The following CIC variants were observed in gnomAD, a reference collection of about 807,000 sequenced individuals.
CIC encodes the protein protein capicua homolog.
In CIC, 18 loss-of-function variants were observed where a neutral mutation model predicts 115.7. The observed-to-expected ratio is 0.16, with a 90% confidence interval of 0.11 to 0.23. The LOEUF is 0.23. Ranked by LOEUF, CIC falls within the 10% of genes least tolerant of loss-of-function variation. The probability of loss-of-function intolerance (pLI) is 1.00; values close to 1 mark genes in which losing one functional copy is unlikely to be tolerated. For synonymous variants in CIC, 1,076 were observed against 923.0 expected (o/e 1.17, Z -3.01); for missense variants, 2,000 against 2,159.3 (o/e 0.93, Z 1.46).
At position 42,294,053 on chromosome 19, in the gene CIC, C is replaced by T. The variant is rs2147340869; in HGVS notation, c.6886C>T (p.Leu2296=). ...TCTGGCCACCTCACCCCGGGCCATC[C>T]TGGGCTCTTACCGCAAGAAGAGGAA... The part of the protein sequence containing the change: ...QSLATSPRAI[L]GSYRKKRKNS... Residue 2296 remains leucine, a synonymous_variant, in exon 18 of 21, where the codon CTG becomes TTG. Coordinates refer to ENST00000681038, the MANE Select transcript of CIC (RefSeq NM_001386298.1). 1 of 1,613,640 alleles carries T rather than the reference C, an allele frequency of 6.2e-7. No homozygotes were observed.
At position 42,271,949 on chromosome 19, in the gene CIC, C is replaced by A; in HGVS notation, c.166C>A (p.Pro56Thr). ...EAQQPQPQSG[P>T]EEAEEGEEEE... ...ACAGCAGCCGCAACCACAGTCCGGG[C>A]CCGAAGAGGCTGAGGAAGGGGAGGA... Residue 56 changes from proline to threonine, a missense_variant, in exon 2 of 21, where the codon CCC becomes ACC. Coordinates refer to ENST00000681038, the MANE Select transcript of CIC (RefSeq NM_001386298.1). 1 of 399,382 alleles carries A rather than the reference C, an allele frequency of 2.5e-6. No homozygotes were observed. The allele number at this position is 399,382 out of a possible 1,614,324, so 24.7% of individuals were successfully genotyped here. A position where few individuals can be genotyped will look rare whatever the true frequency, so the allele number is the denominator to read the frequency against.
intron 2 of CIC, chr19:42,284,883 G>A (rs2037514996): frequency 1.0e-6 from 1 of 970,052 alleles, no homozygotes; most frequent in East Asian, 2.7e-5. Context: ...GCAGAGTAAA[G>A]GGATGACGGG....
rs1340459202 is a variant in CIC at position 42,295,074 on chromosome 19, G to A, written c.7437G>A (p.Gln2479=). The change falls in exon 21 of 21, where the codon CAG becomes CAA. Residue 2479 remains glutamine, a synonymous_variant. Transcript: ENST00000681038. ...TSPSSDSGTA[Q]AAPPLPPPPE... is the part of the protein sequence containing the mutation. ...CCAGCTCGGACTCTGGCACGGCCCA[G>A]GCTGCCCCGCCACTGCCTCCACCCC... 6.6e-7 allele frequency: 1 copy of A among 1,520,590 alleles called. No homozygotes were observed. Among genetic ancestry groups the A allele is most frequent in the Admixed American group, 2.0e-5 (1 of 49,940 alleles). 94.2% of individuals were successfully genotyped at this position (1,520,590 alleles called of 1,614,324 possible). A position where few individuals can be genotyped will look rare whatever the true frequency, so the allele number is the denominator to read the frequency against.
rs587778197 is a variant in CIC at position 42,290,969 on chromosome 19, C to T, written c.4928C>T (p.Ser1643Leu). Residue 1643 changes from serine (S) to leucine (L), a missense_variant, in exon 11 of 21, where the codon TCG becomes TTG. Around this residue, in one of 8 missense-constraint regions of CIC, gnomAD observed 1,466 missense variants for 1,390.4 expected, o/e 1.05. Transcript: ENST00000681038. Reference protein sequence around the residue: ...GVSLVYSDKKSAAATSPAPHL... With the variant: ...GVSLVYSDKKLAAATSPAPHL... ...AGCTTAGTGTATTCGGACAAGAAGT[C>T]GGCAGCAGCCACCTCACCAGCCCCA... is the stretch of plus-strand genomic sequence containing the variant. 5.4e-5 allele frequency: 87 copies of T among 1,613,610 alleles called. No homozygotes were observed. In the East Asian group the frequency reaches 1.2e-3, roughly 21 times the overall value.
intron 7 of CIC, among the ~76,000 whole-genome samples, chr19:42,288,447 T>A (rs773207163): frequency 6.6e-5 from 10 of 152,180 alleles, no homozygotes; most frequent in Non-Finnish European, 1.3e-4. Context: ...TGAGGTTGTC[T>A]GGTGTGCCTG....
rs754160310 is a variant in CIC, at chr19:42,294,854, A to G, written c.7217A>G (p.Tyr2406Cys). The stretch of plus-strand genomic sequence containing the variant: ...GCCACAGCCGCCTTCCAGGCCCGCT[A>G]TGCAGACATCTTTCCCTCCAAGGTT... ...AQATAAFQAR[Y>C]ADIFPSKVCL... The change falls in exon 21 of 21, where the codon TAT becomes TGT. Residue 2406 changes from tyrosine (Y) to cysteine (C), a missense_variant. By Grantham distance (194) the Tyr-to-Cys change is radical (BLOSUM62 -2). This residue lies in a region of CIC where 17 missense variants were observed against 17.8 expected (regional missense o/e 0.95). Transcript: ENST00000681038. 1.9e-6 allele frequency: 3 copies of G among 1,601,074 alleles called. No homozygotes were observed. Among genetic ancestry groups the G allele is most frequent in the Admixed American group, 1.7e-5 (1 of 60,004 alleles).
intron 2 of CIC, among the ~76,000 whole-genome samples, chr19:42,276,766 C>A (rs755743928): frequency 2.6e-5 from 4 of 152,152 alleles, no homozygotes; most frequent in Non-Finnish European, 4.4e-5. Flanking sequence ...TTCACCCCCC[C>A]ATATGCCCAC....
At chr19:42,283,121 T>C (rs2037340432) in intron 2 of CIC, among the ~76,000 whole-genome samples, 1 of 152,108 alleles carries the variant, frequency 6.6e-6, no homozygotes, top group Non-Finnish European at 1.5e-5. Flanking sequence ...GGTATGATGG[T>C]GTCTGTGAGA....
chr19:42,282,407 G>A (rs1194523840), intron 2 of CIC, among the ~76,000 whole-genome samples: 1 of 152,200 alleles, frequency 6.6e-6, no homozygotes, highest in Admixed American at 6.5e-5. Context: ...CAACCTTTAC[G>A]TGCCCAAGTG....
At position 42,295,143 on chromosome 19, in the gene CIC, G is replaced by GGGGGCCCCCCCCCCCCCCCCC; in HGVS notation, c.7506_7507insGGGGCCCCCCCCCCCCCCCCC (p.Gln2502_Pro2503insGlyAlaProProProProPro). 3.6e-6 allele frequency: 5 copies of GGGGGCCCCCCCCCCCCCCCCC among 1,382,724 alleles called. No homozygotes were observed. The highest frequency in any genetic ancestry group is 4.8e-6 in the Non-Finnish European group (5 of 1,037,818). 85.7% of individuals were successfully genotyped at this position (1,382,724 alleles called of 1,614,324 possible). ...AGCCTGGCTGGGAGGGGGCTCCCCA[G>GGGGGCCCCCCCCCCCCCCCCC]CCCTCCCCCCCACCCCCAGGTCCCT... On this transcript the variant is annotated inframe_insertion, in exon 21 of 21. Coordinates refer to ENST00000681038, the MANE Select transcript of CIC (RefSeq NM_001386298.1).
rs761218687 is a variant in CIC at position 42,290,495 on chromosome 19, C to A, written c.4454C>A (p.Pro1485His). The stretch of plus-strand genomic sequence containing the variant: ...GCGGGCCCCCTACGGCCCCCACCCC[C>A]TGGGGCTGGGGGTCCAGCGACACCT... ...STAGPLRPPP[P>H]GAGGPATPSK... The change falls in exon 11 of 21, where the codon CCT (proline) becomes CAT (histidine). Residue 1485 changes from proline (P) to histidine (H), a missense_variant. Pro to His is a moderately conservative substitution (Grantham distance 77). This residue lies in a region of CIC where 1,466 missense variants were observed against 1,390.4 expected (regional missense o/e 1.05). Transcript: ENST00000681038. 1.9e-6 allele frequency: 3 copies of A among 1,613,676 alleles called. No individual in the cohort carries two copies. Among genetic ancestry groups the A allele is most frequent in the Non-Finnish European group, 2.5e-6 (3 of 1,179,908 alleles).
At position 42,287,315 on chromosome 19, in the gene CIC, C is replaced by T. The variant is rs371107104; in HGVS notation, c.3180-5C>T. ...GCCCTCACTGTCCCTGCTGCCCCGC[C>T]GCAGCTTCCTCTCCATCATGTCTCC... On this transcript the variant is annotated splice_polypyrimidine_tract_variant and splice_region_variant and intron_variant, in intron 4 of 20. Transcript: ENST00000681038. This position sits in a 1 kb window ranked among gnomAD's most constrained non-coding sequence, Gnocchi z 8.7. 6.2e-5 allele frequency: 100 copies of T among 1,613,994 alleles called. No individual in the cohort carries two copies. Among genetic ancestry groups the T allele is most frequent in the East Asian group, 8.9e-5 (4 of 44,884 alleles).
chr19:42,292,052 G>C (rs1359641176), intron 12 of CIC, 34 bp from the exon 13 acceptor site: 1 of 1,612,426 alleles, frequency 6.2e-7, no homozygotes, highest in African/African-American at 1.3e-5. Context: ...TGGGGCCACA[G>C]CTCACCCTGG....
At chr19:42,269,921 G>A (rs569622653) in intron 1 of CIC, among the ~76,000 whole-genome samples, 8 of 151,806 alleles carry the variant, frequency 5.3e-5, no homozygotes, top group South Asian at 2.1e-4. Flanking sequence ...CCTGGGCTCC[G>A]GGAGTTACTA....
chr19:42,294,841 T>C lies in CIC; in HGVS notation c.7204T>C (p.Phe2402Leu). The C allele has an allele frequency of 1.2e-6, 2 of 1,601,892 alleles. No individual in the cohort carries two copies. Among genetic ancestry groups the C allele is most frequent in the Non-Finnish European group, 1.7e-6 (2 of 1,179,950 alleles). Residue 2402 changes from phenylalanine (F) to leucine (L), a missense_variant, in exon 21 of 21, where the codon TTC (phenylalanine) becomes CTC (leucine). Physicochemically the swap from Phe to Leu is conservative, Grantham distance 22. Around this residue, in one of 8 missense-constraint regions of CIC, gnomAD observed 17 missense variants for 17.8 expected, o/e 0.95. Coordinates refer to ENST00000681038, the MANE Select transcript of CIC (RefSeq NM_001386298.1). ...ATCTCCAGCCCAGGCCACAGCCGCC[T>C]TCCAGGCCCGCTATGCAGACATCTT... Reference protein sequence around the residue: ...FFPSAQATAAFQARYADIFPS... With the variant: ...FFPSAQATAALQARYADIFPS...
At chr19:42,292,033 G>GC in intron 12 of CIC, 53 bp from the exon 13 acceptor site, 1 of 1,611,502 alleles carries the variant, frequency 6.2e-7, no homozygotes, top group Admixed American at 1.7e-5. Flanking sequence ...GTCTTCCCCT[G>GC]CCCCAGTCTG....
intron 2 of CIC, among the ~76,000 whole-genome samples, chr19:42,281,039 C>T (rs1599867947): frequency 6.6e-6 from 1 of 150,388 alleles, no homozygotes; most frequent in East Asian, 2.0e-4. Flanking sequence ...TGACTCACCC[C>T]GGCGCTATTT....
intron 2 of CIC, among the ~76,000 whole-genome samples, chr19:42,278,168 GC>G (rs1255170711): frequency 6.6e-6 from 1 of 152,228 alleles, no homozygotes; most frequent in Non-Finnish European, 1.5e-5. Context: ...GCATGGCATG[GC>G]CAGCCAGCTG....
In CIC at chr19:42,291,143, C is replaced by T. The variant is rs774176088; in HGVS notation, c.5102C>T (p.Ala1701Val). Reference sequence around the variant, plus strand: ...GGGGCCCCTGGTGGTGGGACCACTGCGGGCTCAGGAGCAGGTGCTGGGAGT... The same window carrying T: ...GGGGCCCCTGGTGGTGGGACCACTGTGGGCTCAGGAGCAGGTGCTGGGAGT... ...AQGAPGGGTT[A>V]GSGAGAGSGP... is the part of the protein sequence containing the mutation. Residue 1701 changes from alanine (A) to valine (V), a missense_variant, in exon 11 of 21, where the codon GCG (alanine) becomes GTG (valine). Ala to Val is a moderately conservative substitution (Grantham distance 64, BLOSUM62 0). Coordinates refer to ENST00000681038, the MANE Select transcript of CIC (RefSeq NM_001386298.1). 140 of 1,607,412 alleles carry T rather than the reference C, an allele frequency of 8.7e-5. No homozygotes were observed. The highest frequency in any genetic ancestry group is 1.7e-4 in the Middle Eastern group (1 of 6,012).
Sources: gnomAD v4.1 joint callset for allele counts (sites outside exome capture counted in the v4.1 genomes callset) on GRCh38, gnomAD v4.1.1 for gene constraint, gnomAD v4.1.1 regional missense constraint, Gnocchi (gnomAD v3.1) non-coding constraint, MANE v1.5 for transcripts, NCBI Gene and HGNC (gene_info 2026-07-23, HGNC 2026-07-21) for gene names.